ADGRE2: variants seen among roughly 807,000 people sequenced by gnomAD.
ADGRE2 encodes adhesion G protein-coupled receptor E2.
Under a neutral mutation model 100.8 loss-of-function variants are expected in ADGRE2, and 83 were observed. The ratio of observed to expected loss-of-function variants is 0.82; its 90% confidence interval spans 0.69 to 0.99. The LOEUF is 0.99. Among genes scored for constraint, ADGRE2 ranks in the 50% least tolerant of loss-of-function variants. The pLI, the probability that ADGRE2 is intolerant of heterozygous loss-of-function variation, is 0.00. For synonymous variants in ADGRE2, 355 were observed against 413.0 expected, an observed-to-expected ratio of 0.86 and a Z score of 1.70; for missense variants, 814 against 1,035.7, an observed-to-expected ratio of 0.79 and a Z score of 2.94.
intron 2 of ADGRE2, among the ~76,000 whole-genome samples, chr19:14,774,945 AT>A: frequency 6.6e-6 from 1 of 150,518 alleles, no homozygotes; most frequent in African/African-American, 2.4e-5. Flanking sequence ...AAGTGCTAGG[AT>A]TACAGGTGTG....
intron 11 of ADGRE2, among the ~76,000 whole-genome samples, chr19:14,762,321 A>C (rs540258523): frequency 6.6e-6 from 1 of 152,264 alleles, no homozygotes; most frequent in Admixed American, 6.5e-5. Flanking sequence ...AGAATGAAAT[A>C]TTGATAAATG....
intron 1 of ADGRE2, 50 bp from the exon 2 acceptor site, chr19:14,776,977 C>CAT (rs2044468223): frequency 2.3e-6 from 1 of 432,124 alleles, no homozygotes; most frequent in Admixed American, 1.5e-4. Context: ...AGGGGCGCTG[C>CAT]ACACACACAC....
At chr19:14,725,029 C>T in the ADGRE2 span, among the ~76,000 whole-genome samples, 54 of 152,330 alleles carry the variant, frequency 3.5e-4, no homozygotes, top group Middle Eastern at 3.4e-3. Context: ...AACGGGCTCA[C>T]GGTTCTGCAG....
At chr19:14,742,210 A>C (rs1206223306) in intron 20 of ADGRE2, 1 of 396,506 alleles carries the variant, frequency 2.5e-6, no homozygotes, top group East Asian at 3.6e-5. Flanking sequence ...GTGTGTTTTT[A>C]AAACTTTATT....
At chr19:14,728,965 C>A (rs1428975338), downstream of ADGRE2, among the ~76,000 whole-genome samples, 5 of 152,156 alleles carry the variant, frequency 3.3e-5, no homozygotes, top group Admixed American at 2.6e-4. Flanking sequence ...GCGAATATTT[C>A]TCTCAAATAA....
At chr19:14,737,885 G>A (rs1393914703) in intron 20 of ADGRE2, among the ~76,000 whole-genome samples, 3 of 151,750 alleles carry the variant, frequency 2.0e-5, no homozygotes, top group Non-Finnish European at 2.9e-5. Context: ...GCTGAGGCAG[G>A]AGAATCGCTT....
At chr19:14,754,185 G>T (rs1232220612) in intron 14 of ADGRE2, among the ~76,000 whole-genome samples, 1 of 151,944 alleles carries the variant, frequency 6.6e-6, no homozygotes, top group African/African-American at 2.4e-5. Flanking sequence ...TTCAGTTCTG[G>T]GACTCGGACT....
chr19:14,773,098 A>AAAAAAAAAAAAAG (rs1568627146), intron 4 of ADGRE2, among the ~76,000 whole-genome samples: 2 of 84,170 alleles, frequency 2.4e-5, no homozygotes, highest in African/African-American at 9.5e-5. Context: ...AAAAAAAAAA[A>AAAAAAAAAAAAAG]CAAAAAAAAA....
intron 13 of ADGRE2, 143 bp from the exon 14 acceptor site, chr19:14,755,270 C>CA (rs2043452543): frequency 4.0e-6 from 2 of 497,582 alleles, no homozygotes; most frequent in Non-Finnish European, 3.2e-6. Flanking sequence ...CCCATCTCTA[C>CA]TAAAAAAAAA....
intron 16 of ADGRE2, 66 bp from the exon 17 acceptor site, chr19:14,747,028 A>G (rs570053595): frequency 7.6e-7 from 1 of 1,319,020 alleles, no homozygotes; most frequent in Non-Finnish European, 1.1e-6. Flanking sequence ...ATGTAAATCT[A>G]TTCCATCCCT....
Position 14,733,085 on chromosome 19 carries a change from A to G in ADGRE2, c.*3151T>C, listed in dbSNP as rs565783635. The G allele has an allele frequency of 3.9e-5, 6 of 152,264 alleles. No homozygotes were observed. The South Asian group carries it at 1.2e-3, about 32-fold the overall frequency. The allele number at this position is 152,264 out of a possible 1,614,324, so 9.4% of individuals were successfully genotyped here. A position where few individuals can be genotyped will look rare whatever the true frequency, so the allele number is the denominator to read the frequency against. On this transcript the variant is annotated 3_prime_UTR_variant, in exon 21 of 21. Coordinates refer to ENST00000315576, the MANE Select transcript of ADGRE2 (RefSeq NM_013447.4). ...ACTCTGATATTCCCCATCTCACCTTAGCAGTCTATATCAAGCAAAGGGCAC... is the reference window on the plus strand; with the variant it reads ...ACTCTGATATTCCCCATCTCACCTTGGCAGTCTATATCAAGCAAAGGGCAC...
chr19:14,755,604 A>G, intron 13 of ADGRE2, 50 bp downstream of exon 13: 3 of 1,518,690 alleles, frequency 2.0e-6, no homozygotes, highest in Non-Finnish European at 2.7e-6. Flanking sequence ...CAGCAAGGCT[A>G]TGCCCGGACT....
intron 4 of ADGRE2, 62 bp downstream of exon 4, chr19:14,773,876 C>G: frequency 2.1e-6 from 3 of 1,462,072 alleles, no homozygotes; most frequent in Non-Finnish European, 2.9e-6. Context: ...CTGTCCCCCA[C>G]TGGCACTGGG....
At chr19:14,736,671 T>TATATTTAGAAATATCTAG (rs2042753581) in intron 20 of ADGRE2, among the ~76,000 whole-genome samples, 2 of 137,518 alleles carry the variant, frequency 1.5e-5, no homozygotes, top group African/African-American at 6.0e-5. Context: ...TCTAAATATA[T>TATATTTAGAAATATCTAG]ATATTTAGAA....
At chr19:14,739,367 T>C (rs2042857313) in intron 20 of ADGRE2, among the ~76,000 whole-genome samples, 1 of 152,226 alleles carries the variant, frequency 6.6e-6, no homozygotes, top group Non-Finnish European at 1.5e-5. Flanking sequence ...CTTGGTCCTT[T>C]GTCAGTAGCT....
chr19:14,778,150 C>T (rs1369243459), intron 1 of ADGRE2, 107 bp downstream of exon 1: 1 of 152,198 alleles, frequency 6.6e-6, no homozygotes. Flanking sequence ...ACCTGTGATC[C>T]CAGCACTCTG....
At chr19:14,736,359 T>C in intron 20 of ADGRE2, 115 bp from the exon 21 acceptor site, 1 of 622,678 alleles carries the variant, frequency 1.6e-6, no homozygotes, top group Non-Finnish European at 2.8e-6. Context: ...CCTCCCAGGT[T>C]CAAGCAATTC....
chr19:14,776,785 G>A lies in ADGRE2; in HGVS notation c.-29C>T. 6.2e-7 allele frequency: 1 copy of A among 1,612,598 alleles called. No homozygotes were observed. Among genetic ancestry groups the A allele is most frequent in the Middle Eastern group, 1.7e-4 (1 of 6,058 alleles). ...TCCAGCTGAGCTGCCGGCAGGAGCAGCAGGGGAAAGAGTGAGTGGGACAGG... is the reference window on the plus strand; with the variant it reads ...TCCAGCTGAGCTGCCGGCAGGAGCAACAGGGGAAAGAGTGAGTGGGACAGG... On this transcript the variant is annotated 5_prime_UTR_variant, in exon 2 of 21. Transcript: ENST00000315576.
chr19:14,764,922 G>A (rs2043897370), intron 10 of ADGRE2, among the ~76,000 whole-genome samples: 2 of 152,240 alleles, frequency 1.3e-5, no homozygotes, highest in South Asian at 2.1e-4. Context: ...GGGGCTGAGG[G>A]AGGAGAATCG....
Sources: allele counts gnomAD v4.1 joint callset (sites outside exome capture counted in the v4.1 genomes callset), GRCh38; gene constraint gnomAD v4.1.1; transcripts MANE v1.5; gene names NCBI Gene and HGNC (gene_info 2026-07-23, HGNC 2026-07-21).